The following DHX16 variants were observed in gnomAD, a reference collection of about 807,000 sequenced individuals.
DHX16 encodes the protein pre-mRNA-splicing factor ATP-dependent RNA helicase DHX16.
A neutral mutation model predicts 131.2 loss-of-function variants in DHX16; 81 were observed. The ratio of observed to expected loss-of-function variants is 0.62; its 90% CI spans 0.52 to 0.74. DHX16 has a LOEUF of 0.74. Among genes scored for constraint, DHX16 ranks in the 30% least tolerant of loss-of-function variants. The pLI is 0.00. For synonymous variants in DHX16, 440 were observed against 520.2 expected (o/e 0.85, Z 2.10); for missense variants, 980 against 1,363.1 (o/e 0.72, Z 4.43).
At chr6:30,657,544 A>G (rs572317969) in intron 12 of DHX16, among the ~76,000 whole-genome samples, 1 of 151,346 alleles carries the variant, frequency 6.6e-6, no homozygotes, top group Admixed American at 6.6e-5. Flanking sequence ...TTCCTATCCT[A>G]CTCTAGAATT....
At position 30,657,129 on chromosome 6, in the gene DHX16, C is replaced by T. The variant is rs140539698; in HGVS notation, c.2008-37G>A. ...GATATGGGGTCACCCAGTGACCCCA[C>T]CTACCTAGTTACCCAGAAAAAGTAA... On this transcript the variant is annotated intron_variant, in intron 12 of 19. Transcript: ENST00000376442. 12,341 of 1,572,830 alleles carry T rather than the reference C, an allele frequency of 7.8e-3. 74 individuals carry two copies. Among genetic ancestry groups the T allele is most frequent in the Middle Eastern group, 0.027 (161 of 5,864 alleles).
chr6:30,659,636 G>A lies in DHX16; in HGVS notation c.1855-12C>T, dbSNP rs1768304969. On this transcript the variant is annotated splice_polypyrimidine_tract_variant and intron_variant, in intron 11 of 19. Transcript: ENST00000376442. Reference sequence around the variant, plus strand: ...GCCTCAATCTCCTCCTGGATAGAGGGTAGGGAGAGCAGCAGGGGTCCCAGA... The same window carrying A: ...GCCTCAATCTCCTCCTGGATAGAGGATAGGGAGAGCAGCAGGGGTCCCAGA... 1 of 1,613,942 alleles carries A rather than the reference G, an allele frequency of 6.2e-7. No homozygotes were observed. Among genetic ancestry groups the A allele is most frequent in the Non-Finnish European group, 8.5e-7 (1 of 1,179,886 alleles).
Position 30,670,999 on chromosome 6 carries a change from G to C in DHX16, c.446+37C>G, listed in dbSNP as rs781322545. 63 of 1,612,774 alleles carry C rather than the reference G, an allele frequency of 3.9e-5. 1 individual carries two copies. The highest frequency in any genetic ancestry group is 2.5e-4 in the African/African-American group (19 of 74,882). ...AAATAAGGGCATAGAGAACACTTCA[G>C]CCTGCCCCATCCTCTCTCACCCTGC... On this transcript the variant is annotated intron_variant, in intron 2 of 19. Transcript: ENST00000376442. This position sits in a 1 kb window ranked among gnomAD's most constrained non-coding sequence, Gnocchi z 4.4.
rs779681419 is a variant in DHX16 at position 30,654,881 on chromosome 6, T to G, written c.2824-2A>C. ...GTAAAAGTAACCAGCAGTGATGGCCTAAGGAGCGGGCAGGAAAGAAAATCA... is the reference window on the plus strand; with the variant it reads ...GTAAAAGTAACCAGCAGTGATGGCCGAAGGAGCGGGCAGGAAAGAAAATCA... On this transcript the variant is annotated splice_acceptor_variant, in intron 18 of 19. Coordinates refer to ENST00000376442, the MANE Select transcript of DHX16 (RefSeq NM_003587.5). LOFTEE classifies it high-confidence loss of function. The G allele has an allele frequency of 8.7e-6, 14 of 1,609,700 alleles. No homozygotes were observed. The highest frequency in any genetic ancestry group is 1.2e-5 in the Non-Finnish European group (14 of 1,178,322).
intron 18 of DHX16, 115 bp from the exon 19 acceptor site, chr6:30,654,994 G>T: frequency 1.4e-6 from 2 of 1,406,762 alleles, no homozygotes; most frequent in Admixed American, 2.3e-5. Flanking sequence ...AGGAATGCAT[G>T]AAGAACTTCC....
At chr6:30,664,111 CCAG>C (rs1768780369) in intron 7 of DHX16, among the ~76,000 whole-genome samples, 1 of 151,990 alleles carries the variant, frequency 6.6e-6, no homozygotes, top group Non-Finnish European at 1.5e-5. Flanking sequence ...TCTCTTGAGC[CCAG>C]GAGTCCCAGG....
chr6:30,667,712 T>C (rs1769178182), intron 4 of DHX16, among the ~76,000 whole-genome samples: 1 of 152,122 alleles, frequency 6.6e-6, no homozygotes, highest in Non-Finnish European at 1.5e-5. Flanking sequence ...TACTAATATA[T>C]AGATACACAA....
At position 30,672,999 on chromosome 6, in the gene DHX16, C is replaced by A. The variant is rs778088832; in HGVS notation, c.-158G>T. On this transcript the variant is annotated 5_prime_UTR_variant, in exon 1 of 20. Coordinates refer to ENST00000376442, the MANE Select transcript of DHX16 (RefSeq NM_003587.5). The stretch of plus-strand genomic sequence containing the variant: ...TTCCGACATCCCAAAGCTGTCTTCC[C>A]GTACCGCGGAGCCCGGAAGGGGCTG... The A allele has an allele frequency of 5.2e-6, 8 of 1,550,546 alleles. No individual in the cohort carries two copies. The highest frequency in any genetic ancestry group is 2.4e-5 in the South Asian group (2 of 83,414).
intron 19 of DHX16, 88 bp from the exon 20 acceptor site, chr6:30,653,458 A>G: frequency 1.4e-6 from 2 of 1,440,604 alleles, no homozygotes; most frequent in Non-Finnish European, 9.2e-7. Flanking sequence ...ATTGAAACAG[A>G]GTCTTGCTCT....
At chr6:30,660,456 G>A (rs1295695641) in intron 9 of DHX16, 4 of 436,028 alleles carry the variant, frequency 9.2e-6, no homozygotes, top group Non-Finnish European at 1.6e-5. Context: ...ACCTATCCCA[G>A]CCTCAGCAGA....
chr6:30,656,885 C>A lies in DHX16; in HGVS notation c.2148+67G>T. ...GGTTCCCTAGGAAGCCCCCACCCTGCTTCTGAGTTGGACCTTCTCTGTGGG... is the reference window on the plus strand; with the variant it reads ...GGTTCCCTAGGAAGCCCCCACCCTGATTCTGAGTTGGACCTTCTCTGTGGG... On this transcript the variant is annotated intron_variant, in intron 13 of 19. Transcript: ENST00000376442. The surrounding 1 kb of genome is among the most constrained non-coding windows in gnomAD (Gnocchi z 5.1). 1 of 1,589,826 alleles carries A rather than the reference C, an allele frequency of 6.3e-7. No individual in the cohort carries two copies. The highest frequency in any genetic ancestry group is 1.1e-5 in the South Asian group (1 of 87,650).
At chr6:30,663,094 G>C in intron 7 of DHX16, 73 bp from the exon 8 acceptor site, 1 of 1,245,838 alleles carries the variant, frequency 8.0e-7, no homozygotes, top group South Asian at 1.4e-5. Context: ...ACATTTCAGA[G>C]AAAGAAGTTG....
At chr6:30,663,720 C>CAA (rs537931461) in intron 7 of DHX16, among the ~76,000 whole-genome samples, 11 of 50,710 alleles carry the variant, frequency 2.2e-4, no homozygotes, top group Non-Finnish European at 3.2e-4. Context: ...GACTCTGTCT[C>CAA]AAAAAAAAAA....
At chr6:30,655,377 T>A in intron 17 of DHX16, 41 bp from the exon 18 acceptor site, 1 of 1,613,916 alleles carries the variant, frequency 6.2e-7, no homozygotes, top group Non-Finnish European at 8.5e-7. Flanking sequence ...TAATTAAGTA[T>A]ACAGCAGGAC....
At chr6:30,655,360 G>C in intron 17 of DHX16, 24 bp from the exon 18 acceptor site, 1 of 1,613,844 alleles carries the variant, frequency 6.2e-7, no homozygotes, top group Non-Finnish European at 8.5e-7. Context: ...TAAAAAGAAA[G>C]GAGAGATAAT....
In DHX16 at chr6:30,662,609, G is replaced by C. The variant is rs1365217159; in HGVS notation, c.1544+18C>G. On this transcript the variant is annotated intron_variant, in intron 9 of 19. Coordinates refer to ENST00000376442, the MANE Select transcript of DHX16 (RefSeq NM_003587.5). This position sits in a 1 kb window ranked among gnomAD's most constrained non-coding sequence, Gnocchi z 4.7. ...CTGGGTGGGAAGAAGGGAGAGAAAG[G>C]CCAGAGATTAGAGATACCTGTAACT... 1 of 1,594,858 alleles carries C rather than the reference G, an allele frequency of 6.3e-7. No individual in the cohort carries two copies. The highest frequency in any genetic ancestry group is 1.7e-5 in the Admixed American group (1 of 59,936).
At chr6:30,667,581 CAAA>C (rs34046923) in intron 4 of DHX16, among the ~76,000 whole-genome samples, 6 of 87,418 alleles carry the variant, frequency 6.9e-5, no homozygotes, top group Middle Eastern at 7.0e-3. Flanking sequence ...GACTCTGTCT[CAAA>C]AAAAAAAAAA....
At position 30,655,570 on chromosome 6, in the gene DHX16, T is replaced by C. The variant is rs775192444; in HGVS notation, c.2526A>G (p.Thr842=). The C allele has an allele frequency of 7.3e-5, 118 of 1,613,000 alleles. 1 individual carries two copies. The highest frequency in any genetic ancestry group is 5.0e-4 in the South Asian group (46 of 91,094). Residue 842 remains threonine (T), a synonymous_variant, in exon 17 of 20, where the codon ACA becomes ACG. Transcript: ENST00000376442. The part of the protein sequence containing the change: ...EKYSCSEEIL[T]VAAMLSVNNS... ...TGTTGACAGAGAGCATGGCAGCCAC[T>C]GTCAGGATCTCCTCTGAACAGCTGT...
intron 16 of DHX16, among the ~76,000 whole-genome samples, chr6:30,655,976 A>G (rs1194146091): frequency 6.6e-6 from 1 of 152,194 alleles, no homozygotes; most frequent in Admixed American, 6.5e-5. Flanking sequence ...AACCTTAGGA[A>G]CAAGTAAGTT....
Sources: gnomAD v4.1 joint callset for allele counts (sites outside exome capture counted in the v4.1 genomes callset) on GRCh38, gnomAD v4.1.1 for gene constraint, Gnocchi (gnomAD v3.1) non-coding constraint, MANE v1.5 for transcripts, NCBI Gene and HGNC (gene_info 2026-07-23, HGNC 2026-07-21) for gene names.